The following TEDC1 variants were observed in gnomAD, a reference collection of about 807,000 sequenced individuals.
TEDC1 encodes tubulin epsilon and delta complex 1.
In TEDC1, 54 loss-of-function variants were observed where a neutral mutation model predicts 59.9. That is an observed-to-expected ratio of 0.90 (90% confidence interval 0.72 to 1.13). The LOEUF (loss-of-function observed/expected upper bound fraction) is 1.13, where lower values mean the gene tolerates loss of function less well. Among genes scored for constraint, TEDC1 ranks in the 50% most tolerant of loss-of-function variants. The probability of loss-of-function intolerance (pLI) is 0.00; values close to 1 mark genes in which losing one functional copy is unlikely to be tolerated. For synonymous variants in TEDC1, 353 were observed against 298.1 expected (o/e 1.18, Z -1.90); for missense variants, 734 against 683.4 (o/e 1.07, Z -0.83).
At chr14:105,497,076 G>A (rs917317486) in intron 6 of TEDC1, 15 of 530,562 alleles carry the variant, frequency 2.8e-5, no homozygotes, top group Middle Eastern at 4.9e-4. Flanking sequence ...CCTCAGAGCC[G>A]GGGGGCAGCT....
chr14:105,493,273 C>T (rs1555439857), intron 4 of TEDC1, among the ~76,000 whole-genome samples: 2 of 152,114 alleles, frequency 1.3e-5, no homozygotes, highest in Non-Finnish European at 2.9e-5. Flanking sequence ...CGCGGGACTC[C>T]TTGGAGACCC....
intron 2 of TEDC1, 74 bp downstream of exon 2, chr14:105,491,774 A>G: frequency 7.9e-7 from 1 of 1,264,250 alleles, no homozygotes; most frequent in East Asian, 3.3e-5. Context: ...CGCCTTCCCC[A>G]GTAAGCCCCG....
chr14:105,493,702 G>A (rs2046426362), intron 4 of TEDC1, 133 bp from the exon 5 acceptor site: 1 of 665,574 alleles, frequency 1.5e-6, no homozygotes, highest in East Asian at 2.8e-5. Flanking sequence ...GGCAAGGAGT[G>A]GCTTTCTCTG....
Position 105,497,739 on chromosome 14 carries a change from G to GCCCTCTGT in TEDC1, c.979-47_979-40dup, listed in dbSNP as rs772534487. 3 of 1,469,000 alleles carry GCCCTCTGT rather than the reference G, an allele frequency of 2.0e-6. No homozygotes were observed. In the Admixed American group the frequency reaches 7.5e-5, roughly 37 times the overall value. 91.0% of individuals were successfully genotyped at this position (1,469,000 alleles called of 1,614,324 possible). A position where few individuals can be genotyped will look rare whatever the true frequency, so the allele number is the denominator to read the frequency against. The stretch of plus-strand genomic sequence containing the variant: ...CTGGGGGACTACCACTGCCCTCTTT[G>GCCCTCTGT]CCCTCTGTCCCTCTGTCCCCTTGGC... On this transcript the variant is annotated intron_variant, in intron 7 of 8. Coordinates refer to ENST00000392523, the MANE Select transcript of TEDC1 (RefSeq NM_001367178.1).
At chr14:105,492,522 C>A in intron 3 of TEDC1, 57 bp from the exon 4 acceptor site, 1 of 1,514,572 alleles carries the variant, frequency 6.6e-7, no homozygotes, top group Middle Eastern at 1.9e-4. Context: ...TCCATCCTGG[C>A]CTTTTCTGGG....
Position 105,493,821 on chromosome 14 carries a change from A to AC in TEDC1, c.586-13dup. ...GACTGCCACTCAGCCTGGGGTCTGC[A>AC]CTACCTGTTTTAGATCCACCTGTAC... is the stretch of plus-strand genomic sequence containing the variant. On this transcript the variant is annotated splice_polypyrimidine_tract_variant and intron_variant, in intron 4 of 8. Transcript: ENST00000392523. The AC allele has an allele frequency of 6.3e-7, 1 of 1,597,438 alleles. No individual in the cohort carries two copies. The highest frequency in any genetic ancestry group is 8.5e-7 in the Non-Finnish European group (1 of 1,171,734).
intron 5 of TEDC1, chr14:105,494,850 C>T (rs587762885): frequency 6.9e-6 from 1 of 144,058 alleles, no homozygotes; most frequent in East Asian, 2.1e-4. Flanking sequence ...TAGGGCAGGG[C>T]TGGCTGCCAC....
chr14:105,498,772 T>TGGGGCAGCAG lies in TEDC1; in HGVS notation c.1318_1327dup (p.Asp443GlyfsTer132). 2 of 1,569,848 alleles carry TGGGGCAGCAG rather than the reference T, an allele frequency of 1.3e-6. No homozygotes were observed. Among genetic ancestry groups the TGGGGCAGCAG allele is most frequent in the Non-Finnish European group, 1.7e-6 (2 of 1,158,532 alleles). The stretch of plus-strand genomic sequence containing the variant: ...CACACCGGCTGGTGAGACGAGAGGA[T>TGGGGCAGCAG]GGGGCAGCAGGGGACCGGGACCTGC... On this transcript the variant is annotated frameshift_variant, in exon 9 of 9. Coordinates refer to ENST00000392523, the MANE Select transcript of TEDC1 (RefSeq NM_001367178.1). LOFTEE classifies it high-confidence loss of function.
Position 105,497,806 on chromosome 14 carries a change from C to G in TEDC1, c.987C>G (p.Val329=). The change falls in exon 8 of 9, where the codon GTC becomes GTG. Residue 329 remains valine, a synonymous_variant. Coordinates refer to ENST00000392523, the MANE Select transcript of TEDC1 (RefSeq NM_001367178.1). ...ELVFWRWMDT[V]LGTCAPEVPA... is the part of the protein sequence containing the mutation. The stretch of plus-strand genomic sequence containing the variant: ...CACTTGGGTCTCTGTAGGACACGGT[C>G]CTGGGCACCTGTGCCCCGGAGGTGC... 6.4e-6 allele frequency: 10 copies of G among 1,564,832 alleles called. No individual in the cohort carries two copies. The highest frequency in any genetic ancestry group is 8.7e-6 in the Non-Finnish European group (10 of 1,154,700).
rs587718377 is a variant in TEDC1 at position 105,498,026 on chromosome 14, G to A, written c.1158+49G>A. The A allele has an allele frequency of 5.5e-6, 8 of 1,457,640 alleles. No individual in the cohort carries two copies. The East Asian group carries it at 1.5e-4, about 28-fold the overall frequency. The allele number at this position is 1,457,640 out of a possible 1,614,324, so 90.3% of individuals were successfully genotyped here. A position where few individuals can be genotyped will look rare whatever the true frequency, so the allele number is the denominator to read the frequency against. Reference sequence around the variant, plus strand: ...CACCAGCCCAGCCCCACCTTCGGGGGATGGCTGACCTGAGGGCACTTTGGA... The same window carrying A: ...CACCAGCCCAGCCCCACCTTCGGGGAATGGCTGACCTGAGGGCACTTTGGA... On this transcript the variant is annotated intron_variant, in intron 8 of 8. Coordinates refer to ENST00000392523, the MANE Select transcript of TEDC1 (RefSeq NM_001367178.1).
rs1225628803 is a variant in TEDC1 at position 105,499,177 on chromosome 14, C to T, written c.*231C>T. On this transcript the variant is annotated 3_prime_UTR_variant, in exon 9 of 9. Coordinates refer to ENST00000392523, the MANE Select transcript of TEDC1 (RefSeq NM_001367178.1). ...TCCCTTGAGGAGGTCGTGACAGGCT[C>T]AGCCTGGTGGTCTGGAGGGGACTCG... 1 of 586,432 alleles carries T rather than the reference C, an allele frequency of 1.7e-6. No individual in the cohort carries two copies. Among genetic ancestry groups the T allele is most frequent in the Non-Finnish European group, 3.0e-6 (1 of 331,682 alleles). The allele number at this position is 586,432 out of a possible 1,614,324, so 36.3% of individuals were successfully genotyped here.
rs781845547 is a variant in TEDC1 at position 105,495,804 on chromosome 14, G to C, written c.685-76G>C. ...TGGTGGGCTGGGGGGGCCTGGAAGT[G>C]AGGCCCCGCCCTCTCCCCGAAGCTG... On this transcript the variant is annotated intron_variant, in intron 5 of 8. Transcript: ENST00000392523. The C allele has an allele frequency of 2.6e-4, 317 of 1,223,664 alleles. 1 individual carries two copies. The highest frequency in any genetic ancestry group is 3.2e-4 in the Non-Finnish European group (289 of 890,720). The allele number at this position is 1,223,664 out of a possible 1,614,324, so 75.8% of individuals were successfully genotyped here.
Position 105,492,199 on chromosome 14 carries a change from A to G in TEDC1, c.319A>G (p.Ser107Gly), listed in dbSNP as rs190336306. The G allele has an allele frequency of 1.0e-3, 1,685 of 1,612,822 alleles. No homozygotes were observed. The highest frequency in any genetic ancestry group is 1.4e-3 in the Non-Finnish European group (1,618 of 1,179,884). ...ACTACCTGAGGATGGCTCGCAGGGC[A>G]GTCGGGAGCTGCTGCTGGCTCTGTC... is the stretch of plus-strand genomic sequence containing the variant. ...AQLPEDGSQG[S>G]RELLLALSWL... Residue 107 changes from serine (S) to glycine (G), a missense_variant, in exon 3 of 9, where the codon AGT (serine) becomes GGT (glycine). Ser to Gly is a moderately conservative substitution (Grantham distance 56). Transcript: ENST00000392523.
At chr14:105,494,422 T>A (rs2084297234) in intron 5 of TEDC1, 1 of 177,304 alleles carries the variant, frequency 5.6e-6, no homozygotes, top group Admixed American at 5.7e-5. Context: ...TGGGGTGTGC[T>A]GGACCGAGCC....
intron 4 of TEDC1, among the ~76,000 whole-genome samples, 189 bp from the exon 5 acceptor site, chr14:105,493,646 C>T (rs1202861361): frequency 5.3e-5 from 8 of 152,156 alleles, no homozygotes; most frequent in South Asian, 2.1e-4. Flanking sequence ...GAGACCCCAG[C>T]GGTGCTGATG....
At position 105,492,388 on chromosome 14, in the gene TEDC1, C is replaced by G. The variant is rs1037554523; in HGVS notation, c.429+79C>G. 6.4e-6 allele frequency: 10 copies of G among 1,562,632 alleles called. No individual in the cohort carries two copies. The East Asian group carries it at 1.8e-4, about 28-fold the overall frequency. On this transcript the variant is annotated intron_variant, in intron 3 of 8. Coordinates refer to ENST00000392523, the MANE Select transcript of TEDC1 (RefSeq NM_001367178.1). The stretch of plus-strand genomic sequence containing the variant: ...AGAGCAAGGGCAGGCCTGGGTCAGC[C>G]CCCTCTGTCTGCTTTGCTCCTCAGG...
In TEDC1 at chr14:105,491,258, G is replaced by C; in HGVS notation, c.-118G>C. On this transcript the variant is annotated 5_prime_UTR_variant, in exon 1 of 9. Coordinates refer to ENST00000392523, the MANE Select transcript of TEDC1 (RefSeq NM_001367178.1). Reference sequence around the variant, plus strand: ...CATGATTGGGCTCAGGTTCCAGCCGGAGCGGTAACTGGGCGCAGGTCCCAG... The same window carrying C: ...CATGATTGGGCTCAGGTTCCAGCCGCAGCGGTAACTGGGCGCAGGTCCCAG... The C allele has an allele frequency of 3.3e-6, 5 of 1,530,948 alleles. No homozygotes were observed. Among genetic ancestry groups the C allele is most frequent in the Non-Finnish European group, 4.4e-6 (5 of 1,141,388 alleles). 94.8% of individuals were successfully genotyped at this position (1,530,948 alleles called of 1,614,324 possible).
chr14:105,493,246 C>T (rs587617459), intron 4 of TEDC1, among the ~76,000 whole-genome samples: 10 of 152,120 alleles, frequency 6.6e-5, no homozygotes, highest in South Asian at 2.1e-4. Context: ...TCTGTGGCAG[C>T]GGCGGGCTCC....
Position 105,491,466 on chromosome 14 carries a change from C to T in TEDC1, c.91C>T (p.Pro31Ser), listed in dbSNP as rs938866683. 1.2e-5 allele frequency: 18 copies of T among 1,467,058 alleles called. No homozygotes were observed. Among genetic ancestry groups the T allele is most frequent in the Non-Finnish European group, 1.4e-5 (16 of 1,112,024 alleles). 90.9% of individuals were successfully genotyped at this position (1,467,058 alleles called of 1,614,324 possible). A position where few individuals can be genotyped will look rare whatever the true frequency, so the allele number is the denominator to read the frequency against. Residue 31 changes from proline (P) to serine (S), a missense_variant, in exon 1 of 9, where the codon CCC becomes TCC. Coordinates refer to ENST00000392523, the MANE Select transcript of TEDC1 (RefSeq NM_001367178.1). ...EAIAALSRSL[P>S]SGPSPEIFRR... ...CATCGCCGCGTTGAGTCGGTCGCTG[C>T]CCTCGGGACCCAGCCCCGAGATCTT...
Sources: gnomAD v4.1 joint callset for allele counts (sites outside exome capture counted in the v4.1 genomes callset) on GRCh38, gnomAD v4.1.1 for gene constraint, MANE v1.5 for transcripts, NCBI Gene and HGNC (gene_info 2026-07-23, HGNC 2026-07-21) for gene names.